The following MMD variants were observed in gnomAD, a reference collection of about 807,000 sequenced individuals.
MMD encodes monocyte to macrophage differentiation associated, also known as monocyte to macrophage differentiation factor.
MMD carries 22 observed loss-of-function variants against 33.6 expected under a neutral mutation model. The observed-to-expected ratio is 0.66, with a 90% CI of 0.47 to 0.94. The LOEUF is 0.94. Ranked by LOEUF, MMD falls within the 40% of genes least tolerant of loss-of-function variation. The pLI is 0.00. For synonymous variants in MMD, 97 were observed against 103.2 expected (o/e 0.94, Z 0.36); for missense variants, 242 against 309.8 (o/e 0.78, Z 1.64).
intron 1 of MMD, 150 bp downstream of exon 1, chr17:55,421,520 G>A (rs1908188535): frequency 1.8e-6 from 2 of 1,110,820 alleles, no homozygotes; most frequent in Admixed American, 2.5e-5. Flanking sequence ...ACAGCAGGGT[G>A]GGGAATCCCC....
chr17:55,397,574 G>C (rs1907150759), intron 6 of MMD, among the ~76,000 whole-genome samples: 1 of 151,466 alleles, frequency 6.6e-6, no homozygotes, highest in African/African-American at 2.4e-5. Context: ...GCCTAGGCTG[G>C]AGTGCAGTGG....
intron 6 of MMD, among the ~76,000 whole-genome samples, chr17:55,398,111 C>A (rs1443714417): frequency 1.3e-3 from 171 of 132,004 alleles, no homozygotes; most frequent in East Asian, 2.4e-3. Context: ...ATTATTTCTT[C>A]AAAAAAAAAA....
chr17:55,415,818 T>G (rs1310071909), intron 1 of MMD, among the ~76,000 whole-genome samples: 1 of 152,234 alleles, frequency 6.6e-6, no homozygotes, highest in Non-Finnish European at 1.5e-5. Flanking sequence ...CCAGATGGTT[T>G]GAAAACCAAC....
intron 1 of MMD, among the ~76,000 whole-genome samples, chr17:55,415,548 T>C (rs1907934034): frequency 6.6e-6 from 1 of 152,208 alleles, no homozygotes. Context: ...CTAAAACGCA[T>C]GACCAAGCCA....
chr17:55,417,481 TAC>T (rs761329147), intron 1 of MMD, among the ~76,000 whole-genome samples: 1 of 152,042 alleles, frequency 6.6e-6, no homozygotes, highest in Non-Finnish European at 1.5e-5. Context: ...ACATAGCAGC[TAC>T]AGTTTTCCAT....
At chr17:55,400,122 A>G (rs751867693) in intron 6 of MMD, among the ~76,000 whole-genome samples, 6 of 152,216 alleles carry the variant, frequency 3.9e-5, no homozygotes, top group Admixed American at 1.3e-4. Context: ...AAGCCATCAT[A>G]AACCTCGTAT....
intron 6 of MMD, among the ~76,000 whole-genome samples, chr17:55,397,609 C>T (rs1907152520): frequency 6.6e-6 from 1 of 151,980 alleles, no homozygotes; most frequent in African/African-American, 2.4e-5. Flanking sequence ...ACTACAACCT[C>T]CTACAACCTC....
chr17:55,394,242 T>C lies in MMD; in HGVS notation c.*92A>G, dbSNP rs961755393. ...AAGATATAAAGTCAGTGCAGTTATT[T>C]TTTTTCTTTCCCTGTGCAATGTTTA... On this transcript the variant is annotated 3_prime_UTR_variant, in exon 7 of 7. Coordinates refer to ENST00000262065, the MANE Select transcript of MMD (RefSeq NM_012329.3). 2.1e-6 allele frequency: 2 copies of C among 933,268 alleles called. No individual in the cohort carries two copies. Among genetic ancestry groups the C allele is most frequent in the Non-Finnish European group, 3.0e-6 (2 of 676,080 alleles). The allele number at this position is 933,268 out of a possible 1,614,324, so 57.8% of individuals were successfully genotyped here.
chr17:55,404,129 C>T (rs1438905644), intron 4 of MMD, among the ~76,000 whole-genome samples: 5 of 152,178 alleles, frequency 3.3e-5, no homozygotes, highest in South Asian at 2.1e-4. Context: ...CCGAGGCAGA[C>T]GGATCACTTG....
At chr17:55,419,856 TAC>T (rs554455140) in intron 1 of MMD, among the ~76,000 whole-genome samples, 22 of 152,168 alleles carry the variant, frequency 1.4e-4, no homozygotes, top group South Asian at 6.2e-4. Flanking sequence ...CCAAGAAAAT[TAC>T]AGTCTATGCC....
intron 2 of MMD, 104 bp downstream of exon 2, chr17:55,414,047 T>C: frequency 4.6e-6 from 5 of 1,087,602 alleles, no homozygotes; most frequent in Non-Finnish European, 7.0e-6. Flanking sequence ...AGGTCACAGA[T>C]GGGTAAATCC....
rs1907440431 is a variant in MMD at position 55,403,867 on chromosome 17, A to C, written c.346T>G (p.Leu116Val). ...AGGGGTCCAAGTTCACGAAGATTTA[A>C]CCTAAAAATGTAAACGTGACAACAA... ...FFIAASYAPW[L>V]NLRELGPLAS... The change falls in exon 5 of 7, where the codon TTA (leucine) becomes GTA (valine). Residue 116 changes from leucine to valine, a missense_variant and splice_region_variant. Physicochemically the swap from Leu to Val is conservative, Grantham distance 32. Coordinates refer to ENST00000262065, the MANE Select transcript of MMD (RefSeq NM_012329.3). 6.2e-7 allele frequency: 1 copy of C among 1,610,584 alleles called. No homozygotes were observed. The highest frequency in any genetic ancestry group is 1.3e-5 in the African/African-American group (1 of 74,828).
chr17:55,394,471 A>G lies in MMD; in HGVS notation c.580T>C (p.Phe194Leu), dbSNP rs1217160987. The change falls in exon 7 of 7, where the codon TTC becomes CTC. Residue 194 changes from phenylalanine (F) to leucine (L), a missense_variant. Transcript: ENST00000262065. The stretch of plus-strand genomic sequence containing the variant: ...GGAATGATGCCATCACTCTTGAAGA[A>G]CACAACTCCCAAGCAATAAATTAAG... ...GGLIYCLGVV[F>L]FKSDGIIPFA... 10 of 1,547,990 alleles carry G rather than the reference A, an allele frequency of 6.5e-6. No individual in the cohort carries two copies. The East Asian group carries it at 2.5e-4, about 39-fold the overall frequency.
At chr17:55,409,836 C>G (rs1174493993) in intron 3 of MMD, among the ~76,000 whole-genome samples, 46 of 152,176 alleles carry the variant, frequency 3.0e-4, no homozygotes, top group Non-Finnish European at 2.5e-4. Flanking sequence ...ACCACAAGCA[C>G]TAAATTGTGC....
chr17:55,418,628 A>T (rs1908061570), intron 1 of MMD, among the ~76,000 whole-genome samples: 1 of 152,198 alleles, frequency 6.6e-6, no homozygotes. Flanking sequence ...TTTATGACTG[A>T]GCATATTTGT....
intron 1 of MMD, among the ~76,000 whole-genome samples, chr17:55,417,418 A>G (rs1908007284): frequency 6.6e-6 from 1 of 152,012 alleles, no homozygotes; most frequent in Non-Finnish European, 1.5e-5. Context: ...CTGTACAAAT[A>G]CAAAGTCTCT....
intron 3 of MMD, among the ~76,000 whole-genome samples, chr17:55,410,598 T>A (rs976457503): frequency 2.6e-5 from 4 of 152,210 alleles, no homozygotes; most frequent in Admixed American, 2.6e-4. Context: ...TGACTATTAA[T>A]AGCAAAATAC....
At chr17:55,404,432 C>A in intron 4 of MMD, 3 of 973,650 alleles carry the variant, frequency 3.1e-6, no homozygotes, top group Non-Finnish European at 3.7e-6. Context: ...GGAGTCCCAG[C>A]ACTCTTATGA....
intron 3 of MMD, among the ~76,000 whole-genome samples, chr17:55,408,688 T>A (rs1336675369): frequency 6.6e-6 from 1 of 152,212 alleles, no homozygotes; most frequent in Admixed American, 6.5e-5. Flanking sequence ...TAAAGACTTG[T>A]GTGAGTAAGT....
Sources: gnomAD v4.1 joint callset for allele counts (sites outside exome capture counted in the v4.1 genomes callset) on GRCh38, gnomAD v4.1.1 for gene constraint, MANE v1.5 for transcripts, NCBI Gene and HGNC (gene_info 2026-07-23, HGNC 2026-07-21) for gene names.